Variants in PRORP observed in about 807,000 individuals in gnomAD.
PRORP encodes the protein protein only RNase P catalytic subunit.
In PRORP, 51 loss-of-function variants were observed where a neutral mutation model predicts 59.4. That is an observed-to-expected ratio of 0.86 (90% confidence interval 0.69 to 1.08). The LOEUF (loss-of-function observed/expected upper bound fraction) is 1.08. Among genes scored for constraint, PRORP ranks in the 50% least tolerant of loss-of-function variants. The pLI, the probability that PRORP is intolerant of heterozygous loss-of-function variation, is 0.00. For synonymous variants in PRORP, 231 were observed against 245.6 expected (o/e 0.94, Z 0.55); for missense variants, 646 against 690.3 (o/e 0.94, Z 0.72).
chr14:35,210,652 T>A (rs1452704626), intron 5 of PRORP, among the ~76,000 whole-genome samples: 1 of 150,638 alleles, frequency 6.6e-6, no homozygotes, highest in African/African-American at 2.4e-5. Context: ...AGTCACCAAA[T>A]TTAGATACTA....
At position 35,143,867 on chromosome 14, in the gene PRORP, CA is replaced by C. The variant is rs547325720; in HGVS notation, c.1167+16259del. The stretch of plus-strand genomic sequence containing the variant: ...TTCTCCATGTTGGTCAGGCTGGTCT[CA>C]AACTCCCGACCTCAGGTGATCCGCC... On this transcript the variant is annotated intron_variant, in intron 4 of 7. Transcript: ENST00000534898. Among the ~76,000 whole-genome samples the C allele has an allele frequency of 4.9e-4, 71 of 145,310 alleles. 4 individuals carry two copies. The highest frequency in any genetic ancestry group is 1.5e-3 in the African/African-American group (63 of 41,122).
chr14:35,193,516 GT>G (rs2048935252), intron 5 of PRORP, among the ~76,000 whole-genome samples: 1 of 151,962 alleles, frequency 6.6e-6, no homozygotes, highest in Non-Finnish European at 1.5e-5. Flanking sequence ...TGCCACTCAA[GT>G]TATTTTATTT....
At chr14:35,183,542 T>A (rs1446823167) in intron 5 of PRORP, among the ~76,000 whole-genome samples, 1 of 152,152 alleles carries the variant, frequency 6.6e-6, no homozygotes, top group Non-Finnish European at 1.5e-5. Flanking sequence ...TAAGTAATAC[T>A]TGGAAGACAG....
At chr14:35,214,712 G>A (rs1240300826) in intron 5 of PRORP, among the ~76,000 whole-genome samples, 1 of 152,196 alleles carries the variant, frequency 6.6e-6, no homozygotes, top group South Asian at 2.1e-4. Context: ...TTCGAGACCA[G>A]CCTGGCCAAC....
At chr14:35,258,329 C>T (rs906968121) in intron 5 of PRORP, among the ~76,000 whole-genome samples, 1 of 151,954 alleles carries the variant, frequency 6.6e-6, no homozygotes, top group African/African-American at 2.4e-5. Context: ...AGAGAATTAT[C>T]CTTAATCATC....
At chr14:35,194,260 T>C (rs777577345) in intron 5 of PRORP, among the ~76,000 whole-genome samples, 1 of 152,208 alleles carries the variant, frequency 6.6e-6, no homozygotes, top group Non-Finnish European at 1.5e-5. Context: ...GTTTGTCTAT[T>C]ATTGGTGTAC....
At chr14:35,134,361 A>C (rs1462920415) in intron 4 of PRORP, among the ~76,000 whole-genome samples, 1 of 151,892 alleles carries the variant, frequency 6.6e-6, no homozygotes, top group Non-Finnish European at 1.5e-5. Flanking sequence ...CTGGCCTGGG[A>C]CTCACCCTTA....
chr14:35,127,304 A>G (rs1595155888), intron 3 of PRORP, among the ~76,000 whole-genome samples, 175 bp from the exon 4 acceptor site: 1 of 151,814 alleles, frequency 6.6e-6, no homozygotes, highest in Admixed American at 6.6e-5. Flanking sequence ...TTTCTGGCAC[A>G]CTAATTTGTG....
At chr14:35,218,142 C>T (rs1051098826) in intron 5 of PRORP, among the ~76,000 whole-genome samples, 1 of 152,016 alleles carries the variant, frequency 6.6e-6, no homozygotes, top group Admixed American at 6.6e-5. Context: ...ATCCCTGACA[C>T]CCTCCTGTCA....
intron 4 of PRORP, among the ~76,000 whole-genome samples, chr14:35,153,113 G>A (rs945917700): frequency 3.9e-5 from 6 of 152,278 alleles, no homozygotes; most frequent in South Asian, 4.1e-4. Context: ...TGAGCACTGA[G>A]TGAGCGAGAC....
intron 4 of PRORP, among the ~76,000 whole-genome samples, chr14:35,142,748 CAGG>C (rs1304644459): frequency 6.9e-6 from 1 of 144,286 alleles, no homozygotes; most frequent in African/African-American, 2.5e-5. Context: ...GAGGCTGAGG[CAGG>C]AGAATTGCTT....
At chr14:35,268,803 C>T (rs2051113217) in intron 6 of PRORP, among the ~76,000 whole-genome samples, 1 of 152,146 alleles carries the variant, frequency 6.6e-6, no homozygotes, top group Admixed American at 6.5e-5. Context: ...ACCATGTTGG[C>T]CAGGCTGGTC....
intron 4 of PRORP, among the ~76,000 whole-genome samples, chr14:35,130,035 T>TC (rs1421779190): frequency 7.0e-6 from 1 of 142,870 alleles, no homozygotes; most frequent in East Asian, 2.0e-4. Context: ...ACTTTCTTTT[T>TC]TTTTTTTTTT....
intron 5 of PRORP, among the ~76,000 whole-genome samples, chr14:35,221,000 TG>T (rs1266732076): frequency 6.6e-6 from 1 of 152,108 alleles, no homozygotes; most frequent in Non-Finnish European, 1.5e-5. Flanking sequence ...AAGAAGAGAC[TG>T]GGGAGGCAGG....
intron 4 of PRORP, among the ~76,000 whole-genome samples, chr14:35,160,105 C>T (rs989888422): frequency 6.6e-5 from 10 of 152,140 alleles, no homozygotes; most frequent in South Asian, 2.1e-4. Context: ...TCCAGTTGTA[C>T]GTTGCTCTTG....
intron 4 of PRORP, among the ~76,000 whole-genome samples, chr14:35,149,561 A>G (rs1232272424): frequency 6.6e-6 from 1 of 152,054 alleles, no homozygotes; most frequent in Non-Finnish European, 1.5e-5. Flanking sequence ...AAACCTCTTG[A>G]GCCAAATTCT....
intron 4 of PRORP, chr14:35,158,813 C>G (rs2047985620): frequency 3.0e-6 from 1 of 334,822 alleles, no homozygotes; most frequent in Admixed American, 3.5e-5. Flanking sequence ...TCCTCCTGTA[C>G]AGTCTTTTTA....
intron 4 of PRORP, among the ~76,000 whole-genome samples, chr14:35,153,941 C>T (rs536620988): frequency 6.6e-6 from 1 of 152,292 alleles, no homozygotes; most frequent in East Asian, 1.9e-4. Flanking sequence ...ATAAGCTAGT[C>T]ACTGTTATGA....
chr14:35,271,185 A>T (rs1594364831), intron 7 of PRORP, among the ~76,000 whole-genome samples: 1 of 139,882 alleles, frequency 7.1e-6, no homozygotes. Flanking sequence ...TTGAGACGGA[A>T]TCTCACTCTG....
Sources: allele counts gnomAD v4.1 joint callset (sites outside exome capture counted in the v4.1 genomes callset), GRCh38; gene constraint gnomAD v4.1.1; transcripts MANE v1.5; gene names NCBI Gene and HGNC (gene_info 2026-07-23, HGNC 2026-07-21).